Variants in TMCO5A observed in about 807,000 individuals in gnomAD.
TMCO5A encodes the protein transmembrane and coiled-coil domains 5A, also known as transmembrane and coiled-coil domain-containing protein 5A.
TMCO5A carries 34 observed loss-of-function variants against 42.3 expected under a neutral mutation model. The observed-to-expected ratio is 0.80, with a 90% CI of 0.61 to 1.07. The LOEUF is 1.07. TMCO5A is among the 50% of genes least tolerant of loss of function. The probability of loss-of-function intolerance (pLI) is 0.00; values close to 1 mark genes in which losing one functional copy is unlikely to be tolerated. For synonymous variants in TMCO5A, 131 were observed against 115.6 expected (o/e 1.13, Z -0.86); for missense variants, 357 against 327.9 (o/e 1.09, Z -0.69).
At chr15:37,961,297 T>C (rs1890421326) in intron 11 of TMCO5A, among the ~76,000 whole-genome samples, 1 of 152,006 alleles carries the variant, frequency 6.6e-6, no homozygotes, top group African/African-American at 2.4e-5. Context: ...TTGAAAAAGG[T>C]GTCCTTTCCC....
At chr15:37,966,829 T>C in exon 12 of TMCO5A, 5 of 634,398 alleles carry the variant, frequency 7.9e-6, no homozygotes, top group Non-Finnish European at 2.8e-6. Context: ...CTCTGATTGG[T>C]CAAGCTTATG....
chr15:38,035,590 C>T, the TMCO5A span, among the ~76,000 whole-genome samples: 1 of 152,192 alleles, frequency 6.6e-6, no homozygotes, highest in Admixed American at 6.5e-5. Context: ...ATTATGGAGG[C>T]TCCACTGTGG....
At chr15:38,004,982 G>A in the TMCO5A span, 1 of 152,040 alleles carries the variant, frequency 6.6e-6, no homozygotes, top group Non-Finnish European at 1.5e-5. Flanking sequence ...AAAAAGATTT[G>A]TCACTATTAG....
At chr15:37,982,473 A>T in the TMCO5A span, among the ~76,000 whole-genome samples, 2 of 133,978 alleles carry the variant, frequency 1.5e-5, no homozygotes, top group Non-Finnish European at 3.1e-5. Flanking sequence ...TATAATAGAT[A>T]TTTTATGTAT....
chr15:38,026,452 G>A, the TMCO5A span, among the ~76,000 whole-genome samples: 1 of 152,306 alleles, frequency 6.6e-6, no homozygotes, highest in Non-Finnish European at 1.5e-5. Context: ...AAATTTCTAA[G>A]CAGCAAAGCA....
Position 37,951,105 on chromosome 15 carries a change from A to G in TMCO5A, c.738A>G (p.Val246=). 6.2e-7 allele frequency: 1 copy of G among 1,613,540 alleles called. No individual in the cohort carries two copies. The highest frequency in any genetic ancestry group is 8.5e-7 in the Non-Finnish European group (1 of 1,179,840). ...IRLLSYMFFH[V]RFINPDLLVN... ...TGCTGAGCTACATGTTTTTTCATGT[A>G]AGATTCATAAATCCAGATCTCCTCG... Residue 246 remains valine (V), a synonymous_variant, in exon 12 of 12, where the codon GTA becomes GTG. Transcript: ENST00000319669.
the TMCO5A span, among the ~76,000 whole-genome samples, chr15:38,028,733 G>A: frequency 1.3e-5 from 2 of 151,966 alleles, no homozygotes; most frequent in African/African-American, 2.4e-5. Context: ...AGGGCAGATA[G>A]TGTCTGAAAA....
the TMCO5A span, among the ~76,000 whole-genome samples, chr15:38,003,222 G>GTCTCTCTC: frequency 8.8e-4 from 129 of 147,152 alleles, no homozygotes; most frequent in African/African-American, 3.1e-3. Context: ...CCCAAACAGA[G>GTCTCTCTC]TCTCTCTCTC....
the TMCO5A span, among the ~76,000 whole-genome samples, chr15:38,017,724 G>T: frequency 6.6e-6 from 1 of 152,120 alleles, no homozygotes; most frequent in African/African-American, 2.4e-5. Context: ...AGAGGGCACC[G>T]CAGGCAGTCA....
chr15:37,965,303 G>A (rs183848389), intron 11 of TMCO5A, among the ~76,000 whole-genome samples: 2 of 152,218 alleles, frequency 1.3e-5, no homozygotes, highest in Admixed American at 1.3e-4. Flanking sequence ...CTCAGCCTAT[G>A]AAACTAGCAC....
At chr15:37,950,878 T>C (rs975003960) in intron 11 of TMCO5A, among the ~76,000 whole-genome samples, 158 bp from the exon 12 acceptor site, 1 of 151,688 alleles carries the variant, frequency 6.6e-6, no homozygotes, top group African/African-American at 2.4e-5. Flanking sequence ...GGACAGAATA[T>C]GGGAGGGGGA....
chr15:38,013,557 ATGTGCTAACACCTAGGGAC>A, the TMCO5A span, among the ~76,000 whole-genome samples: 1 of 152,170 alleles, frequency 6.6e-6, no homozygotes, highest in Non-Finnish European at 1.5e-5. Flanking sequence ...AGCTCTGCTA[ATGTGCTAACACCTAGGGAC>A]TTCTTAAACA....
chr15:37,942,470 C>T (rs1208127081), intron 9 of TMCO5A: 2 of 521,890 alleles, frequency 3.8e-6, no homozygotes, highest in East Asian at 5.7e-5. Flanking sequence ...ACCACAGAAA[C>T]ACATCTCCCT....
At chr15:38,005,132 G>T in the TMCO5A span, among the ~76,000 whole-genome samples, 1 of 151,988 alleles carries the variant, frequency 6.6e-6, no homozygotes, top group African/African-American at 2.4e-5. Flanking sequence ...CCACCAGTAT[G>T]CCCTTGTAGG....
the TMCO5A span, among the ~76,000 whole-genome samples, chr15:38,035,039 T>A: frequency 6.6e-6 from 1 of 151,848 alleles, no homozygotes; most frequent in South Asian, 2.1e-4. Context: ...GGTGTGAGAG[T>A]GGGTCTTTGT....
chr15:38,015,111 G>T, the TMCO5A span, among the ~76,000 whole-genome samples: 1 of 151,478 alleles, frequency 6.6e-6, no homozygotes, highest in African/African-American at 2.4e-5. Flanking sequence ...ATATTTGCTG[G>T]CAGCTGATTC....
chr15:37,946,898 G>A (rs1889985006), intron 10 of TMCO5A, among the ~76,000 whole-genome samples: 1 of 152,114 alleles, frequency 6.6e-6, no homozygotes, highest in Non-Finnish European at 1.5e-5. Context: ...TGTTGAATAG[G>A]AGTGGTGAGA....
chr15:37,985,776 T>C, the TMCO5A span, among the ~76,000 whole-genome samples: 2 of 152,180 alleles, frequency 1.3e-5, no homozygotes, highest in Non-Finnish European at 2.9e-5. Flanking sequence ...CACTCTGTTA[T>C]CTTTTCTAAA....
chr15:37,966,158 A>G (rs1890549871), intron 11 of TMCO5A, among the ~76,000 whole-genome samples: 1 of 152,184 alleles, frequency 6.6e-6, no homozygotes, highest in Non-Finnish European at 1.5e-5. Context: ...AGAAAGACAC[A>G]CATCACATGT....
Sources: allele counts gnomAD v4.1 joint callset (sites outside exome capture counted in the v4.1 genomes callset), GRCh38; gene constraint gnomAD v4.1.1; transcripts MANE v1.5; gene names NCBI Gene and HGNC (gene_info 2026-07-23, HGNC 2026-07-21).